AKIRIN1: variants seen among roughly 807,000 people sequenced by gnomAD.
The protein encoded by AKIRIN1 is akirin 1.
Under a neutral mutation model 25.9 loss-of-function variants are expected in AKIRIN1, and 4 were observed. The ratio of observed to expected loss-of-function variants is 0.15; its 90% confidence interval spans 0.08 to 0.35. The LOEUF is 0.35. Among genes scored for constraint, AKIRIN1 ranks in the 10% least tolerant of loss-of-function variants. AKIRIN1 has a pLI of 1.00. For missense variants in AKIRIN1, 243 were observed against 266.1 expected (o/e 0.91, Z 0.61); for synonymous variants, 125 against 105.1 (o/e 1.19, Z -1.16).
At chr1:39,003,784 AAGTT>A (rs1321822463) in intron 4 of AKIRIN1, among the ~76,000 whole-genome samples, 1 of 152,196 alleles carries the variant, frequency 6.6e-6, no homozygotes, top group African/African-American at 2.4e-5. Context: ...TTGATTCCTT[AAGTT>A]AGTTTATCAA....
intron 1 of AKIRIN1, among the ~76,000 whole-genome samples, chr1:38,993,841 C>T (rs575061350): frequency 2.6e-5 from 4 of 152,022 alleles, no homozygotes; most frequent in African/African-American, 9.6e-5. Flanking sequence ...GAGGCGGAGG[C>T]GGGCGGATCA....
intron 2 of AKIRIN1, among the ~76,000 whole-genome samples, chr1:39,000,739 C>T (rs1393687758): frequency 6.6e-6 from 1 of 151,922 alleles, no homozygotes; most frequent in Non-Finnish European, 1.5e-5. Flanking sequence ...TCACTGCAAC[C>T]GCCACCTCTC....
At chr1:39,003,453 G>C in intron 4 of AKIRIN1, 35 bp downstream of exon 4, 1 of 1,597,000 alleles carries the variant, frequency 6.3e-7, no homozygotes, top group Non-Finnish European at 8.5e-7. Flanking sequence ...AATTTTCTAA[G>C]TTTCAAGAGC....
intron 4 of AKIRIN1, among the ~76,000 whole-genome samples, 171 bp downstream of exon 4, chr1:39,003,589 G>A (rs1644010902): frequency 1.3e-5 from 2 of 152,188 alleles, no homozygotes; most frequent in South Asian, 2.1e-4. Context: ...GTGACCCTAT[G>A]AGGGAGTACT....
chr1:38,998,246 A>G lies in AKIRIN1; in HGVS notation c.296A>G (p.Gln99Arg), dbSNP rs1014541348. Reference protein sequence around the residue: ...RWRHLEVVLNQSEACASESQP... With the variant: ...RWRHLEVVLNRSEACASESQP... ...AGACATTTAGAAGTTGTTCTTAATC[A>G]GAGTGAAGCTTGTGCTTCGGAAAGT... Residue 99 changes from glutamine (Q) to arginine (R), a missense_variant, in exon 2 of 5, where the codon CAG becomes CGG. Coordinates refer to ENST00000432648, the MANE Select transcript of AKIRIN1 (RefSeq NM_024595.3). The G allele has an allele frequency of 4.3e-6, 7 of 1,613,926 alleles. No homozygotes were observed. The highest frequency in any genetic ancestry group is 5.9e-6 in the Non-Finnish European group (7 of 1,179,932).
intron 3 of AKIRIN1, 29 bp downstream of exon 3, chr1:39,001,135 A>G (rs1199548574): frequency 1.9e-6 from 3 of 1,583,802 alleles, no homozygotes; most frequent in Non-Finnish European, 2.6e-6. Flanking sequence ...TGCCATTGTC[A>G]TTAACAGGGT....
chr1:38,991,608 G>T lies in AKIRIN1; in HGVS notation c.220+8G>T. ...GGCGCCTTCCAACTCCGGGTAACCT[G>T]CCCTGCTCTGGGTTTGGCAGGAAGC... On this transcript the variant is annotated splice_region_variant and intron_variant, in intron 1 of 4. Transcript: ENST00000432648. 3.7e-6 allele frequency: 4 copies of T among 1,088,282 alleles called. No individual in the cohort carries two copies. Among genetic ancestry groups the T allele is most frequent in the Non-Finnish European group, 4.5e-6 (4 of 892,880 alleles). The allele number at this position is 1,088,282 out of a possible 1,614,324, so 67.4% of individuals were successfully genotyped here.
rs1213324043 is a variant in AKIRIN1, at chr1:39,005,295, G to A, written c.*1240G>A. 2 of 140,652 alleles carry A rather than the reference G, an allele frequency of 1.4e-5. No homozygotes were observed. The highest frequency in any genetic ancestry group is 2.6e-5 in the African/African-American group (1 of 38,672). The allele number at this position is 140,652 out of a possible 1,614,324, so 8.7% of individuals were successfully genotyped here. A position where few individuals can be genotyped will look rare whatever the true frequency, so the allele number is the denominator to read the frequency against. The stretch of plus-strand genomic sequence containing the variant: ...TGCACTCCAGCCTGGGCAACAAAAC[G>A]AGACTTCGTCTCAAAAAAAAAAAAA... On this transcript the variant is annotated 3_prime_UTR_variant, in exon 5 of 5. Transcript: ENST00000432648.
At chr1:38,997,693 G>A (rs1643957487) in intron 1 of AKIRIN1, among the ~76,000 whole-genome samples, 1 of 152,074 alleles carries the variant, frequency 6.6e-6, no homozygotes, top group African/African-American at 2.4e-5. Context: ...TCCCATATGG[G>A]ACAAGAGCTT....
intron 1 of AKIRIN1, 145 bp downstream of exon 1, chr1:38,991,745 G>C: frequency 1.0e-6 from 1 of 989,118 alleles, no homozygotes; most frequent in Non-Finnish European, 1.3e-6. Context: ...ATGCCGCTGG[G>C]CCTGGTTGCT....
At chr1:38,999,126 C>T (rs1444767917) in intron 2 of AKIRIN1, among the ~76,000 whole-genome samples, 5 of 152,174 alleles carry the variant, frequency 3.3e-5, no homozygotes, top group African/African-American at 9.7e-5. Flanking sequence ...TGCCATATTG[C>T]CTCCTGTTGG....
intron 3 of AKIRIN1, 28 bp from the exon 4 acceptor site, chr1:39,003,319 A>AG: frequency 6.2e-7 from 1 of 1,603,558 alleles, no homozygotes; most frequent in Non-Finnish European, 8.5e-7. Context: ...AGAGTTGCTG[A>AG]GGATAAGTAT....
At chr1:38,994,001 C>T (rs1208621408) in intron 1 of AKIRIN1, among the ~76,000 whole-genome samples, 3 of 150,270 alleles carry the variant, frequency 2.0e-5, no homozygotes, top group South Asian at 2.1e-4. Flanking sequence ...ACCTGGGAGG[C>T]GGAGATTGCG....
At chr1:38,992,995 G>A (rs944659761) in intron 1 of AKIRIN1, among the ~76,000 whole-genome samples, 2 of 152,158 alleles carry the variant, frequency 1.3e-5, no homozygotes, top group African/African-American at 4.8e-5. Flanking sequence ...AAAGACAGGC[G>A]CCATAGATGG....
At chr1:38,996,894 T>C (rs927369966) in intron 1 of AKIRIN1, among the ~76,000 whole-genome samples, 15 of 152,230 alleles carry the variant, frequency 9.9e-5, no homozygotes, top group Admixed American at 2.0e-4. Context: ...TTAGGGACTT[T>C]GACTATGTGT....
chr1:38,996,120 T>C (rs904092267), intron 1 of AKIRIN1, among the ~76,000 whole-genome samples: 2 of 151,990 alleles, frequency 1.3e-5, no homozygotes, highest in African/African-American at 2.4e-5. Flanking sequence ...TTTGAGACAG[T>C]GTCTTACTCT....
In AKIRIN1 at chr1:38,991,530, G is replaced by C. The variant is rs921813201; in HGVS notation, c.150G>C (p.Gln50His). 1.5e-5 allele frequency: 22 copies of C among 1,460,240 alleles called. No homozygotes were observed. Among genetic ancestry groups the C allele is most frequent in the Non-Finnish European group, 1.8e-5 (20 of 1,111,200 alleles). 90.5% of individuals were successfully genotyped at this position (1,460,240 alleles called of 1,614,324 possible). A position where few individuals can be genotyped will look rare whatever the true frequency, so the allele number is the denominator to read the frequency against. ...PPDAEPPPPF[Q>H]TQTPPQSLQQ... ...ACGCCGAGCCGCCGCCGCCGTTTCAGACGCAGACCCCACCGCAGAGTCTGC... is the reference window on the plus strand; with the variant it reads ...ACGCCGAGCCGCCGCCGCCGTTTCACACGCAGACCCCACCGCAGAGTCTGC... The change falls in exon 1 of 5, where the codon CAG becomes CAC. Residue 50 changes from glutamine (Q) to histidine (H), a missense_variant. By Grantham distance (24) the Gln-to-His change is conservative. Around this residue, in one of 3 missense-constraint regions of AKIRIN1, gnomAD observed 190 missense variants for 174.4 expected, o/e 1.09. Coordinates refer to ENST00000432648, the MANE Select transcript of AKIRIN1 (RefSeq NM_024595.3).
intron 3 of AKIRIN1, among the ~76,000 whole-genome samples, 180 bp downstream of exon 3, chr1:39,001,286 T>C (rs1245194218): frequency 6.8e-6 from 1 of 147,650 alleles, no homozygotes; most frequent in Admixed American, 6.7e-5. Context: ...GGAAGGACTT[T>C]TTTTTTTTTT....
Position 39,005,730 on chromosome 1 carries a change from T to C in AKIRIN1, c.*1675T>C, listed in dbSNP as rs1203731815. The C allele has an allele frequency of 1.3e-5, 2 of 152,210 alleles. No individual in the cohort carries two copies. Among genetic ancestry groups the C allele is most frequent in the African/African-American group, 4.8e-5 (2 of 41,464 alleles). The allele number at this position is 152,210 out of a possible 1,614,324, so 9.4% of individuals were successfully genotyped here. On this transcript the variant is annotated 3_prime_UTR_variant, in exon 5 of 5. Coordinates refer to ENST00000432648, the MANE Select transcript of AKIRIN1 (RefSeq NM_024595.3). The stretch of plus-strand genomic sequence containing the variant: ...GAGACAGTTGTTGTGATCAGATGGC[T>C]TAGAGAAATTTCTGGAATATTCACA...
Sources: allele counts gnomAD v4.1 joint callset (sites outside exome capture counted in the v4.1 genomes callset), GRCh38; gene constraint gnomAD v4.1.1; regional missense constraint gnomAD v4.1.1; transcripts MANE v1.5; gene names NCBI Gene and HGNC (gene_info 2026-07-23, HGNC 2026-07-21).